The following CDK14 variants were observed in gnomAD, a reference collection of about 807,000 sequenced individuals.
The protein encoded by CDK14 is cyclin dependent kinase 14.
In CDK14, 34 loss-of-function variants were observed where a neutral mutation model predicts 60.7. The observed-to-expected ratio is 0.56, with a 90% CI of 0.43 to 0.75. The LOEUF (loss-of-function observed/expected upper bound fraction) is 0.75. Among genes scored for constraint, CDK14 ranks in the 30% least tolerant of loss-of-function variants. The pLI, the probability that CDK14 is intolerant of heterozygous loss-of-function variation, is 0.00. For missense variants in CDK14, 482 were observed against 564.1 expected, an observed-to-expected ratio of 0.85 and a Z score of 1.47; for synonymous variants, 197 against 203.7, an observed-to-expected ratio of 0.97 and a Z score of 0.28.
chr7:91,137,073 A>G (rs1800302020), intron 14 of CDK14, among the ~76,000 whole-genome samples: 1 of 152,230 alleles, frequency 6.6e-6, no homozygotes, highest in Non-Finnish European at 1.5e-5. Flanking sequence ...AAGCTAAGAC[A>G]TTGACAATGC....
chr7:90,980,595 T>G (rs968156322), intron 9 of CDK14, among the ~76,000 whole-genome samples: 1 of 152,196 alleles, frequency 6.6e-6, no homozygotes, highest in Non-Finnish European at 1.5e-5. Flanking sequence ...GGAATTCTGT[T>G]ATATTCATAT....
At position 90,596,349 on chromosome 7, in the gene CDK14, G is replaced by GGCGGC. The variant is rs1316767003; in HGVS notation, c.-269_-265dup. ...AAGGAGGGAAAATGAGCCGGGCGGC[G>GGCGGC]GCGGCGCGGCGCGGGGCCACCACGG... On this transcript the variant is annotated 5_prime_UTR_variant, in exon 1 of 15. An upstream open reading frame in the 5' UTR loses its in-frame stop. Transcript: ENST00000380050. 3 of 154,844 alleles carry GGCGGC rather than the reference G, an allele frequency of 1.9e-5. No individual in the cohort carries two copies. Among genetic ancestry groups the GGCGGC allele is most frequent in the African/African-American group, 4.9e-5 (2 of 41,220 alleles). The allele number at this position is 154,844 out of a possible 1,614,324, so 9.6% of individuals were successfully genotyped here.
intron 2 of CDK14, among the ~76,000 whole-genome samples, chr7:90,627,234 A>G (rs1198177715): frequency 6.6e-6 from 1 of 150,852 alleles, no homozygotes; most frequent in African/African-American, 2.4e-5. Context: ...TTTTTTTGAC[A>G]GGGTCTCCTT....
At position 90,799,690 on chromosome 7, in the gene CDK14, CAAAAAAAAAAAAAAAA is replaced by C. The variant is rs11353946; in HGVS notation, c.544+9050_544+9065del. ...GGGTGACAAGAGTGAAACTCCATCT[CAAAAAAAAAAAAAAAA>C]AAAAAAAAAAAGCTGAACCTGAGCA... On this transcript the variant is annotated intron_variant, in intron 5 of 14. Transcript: ENST00000380050. 9.3e-5 allele frequency among the ~76,000 whole-genome samples: 5 copies of C among 53,562 alleles called. No individual in the cohort carries two copies. In the South Asian group the frequency reaches 5.9e-3, roughly 64 times the overall value. The allele number at this position is 53,562 out of a possible 152,430, so 35.1% of individuals were successfully genotyped here. A position where few individuals can be genotyped will look rare whatever the true frequency, so the allele number is the denominator to read the frequency against.
At position 91,079,472 on chromosome 7, in the gene CDK14, A is replaced by T; in HGVS notation, c.1146A>T (p.Ala382=). The T allele has an allele frequency of 6.2e-7, 1 of 1,600,422 alleles. No homozygotes were observed. The highest frequency in any genetic ancestry group is 8.6e-7 in the Non-Finnish European group (1 of 1,168,680). The change falls in exon 12 of 15, where the codon GCA becomes GCT. Residue 382 remains alanine, a synonymous_variant. Transcript: ENST00000380050. ...ACAGCTCTAAAAACCTTAGACAAGC[A>T]TGGAATAAGTAAGTCTTTATACAGA... ...TLYSSKNLRQ[A]WNKLSYVNHA...
At chr7:90,668,712 T>TA (rs1801036295) in intron 2 of CDK14, among the ~76,000 whole-genome samples, 1 of 140,504 alleles carries the variant, frequency 7.1e-6, no homozygotes, top group East Asian at 2.0e-4. Context: ...TTTTTTTTTT[T>TA]TTTTTTTTTT....
At chr7:91,084,983 T>C (rs1798594157) in intron 12 of CDK14, among the ~76,000 whole-genome samples, 1 of 152,234 alleles carries the variant, frequency 6.6e-6, no homozygotes, top group Non-Finnish European at 1.5e-5. Context: ...GAATTAGGCT[T>C]TCTCGAAGTC....
chr7:90,908,654 C>T (rs908034024), intron 7 of CDK14, among the ~76,000 whole-genome samples: 2 of 152,094 alleles, frequency 1.3e-5, no homozygotes, highest in African/African-American at 4.8e-5. Flanking sequence ...GAAATAAGTT[C>T]AAGTAGTAGA....
At chr7:90,698,759 A>T (rs1221339372) in intron 2 of CDK14, among the ~76,000 whole-genome samples, 1 of 152,122 alleles carries the variant, frequency 6.6e-6, no homozygotes, top group Non-Finnish European at 1.5e-5. Context: ...AGCATTTGCT[A>T]CTCACTAAAT....
At chr7:90,763,683 G>A (rs968488876) in intron 4 of CDK14, among the ~76,000 whole-genome samples, 3 of 151,176 alleles carry the variant, frequency 2.0e-5, no homozygotes, top group African/African-American at 7.3e-5. Flanking sequence ...GGGGATGGGG[G>A]AGGGATAGCA....
intron 2 of CDK14, among the ~76,000 whole-genome samples, chr7:90,635,116 G>C (rs1354001942): frequency 6.6e-6 from 1 of 151,928 alleles, no homozygotes; most frequent in Non-Finnish European, 1.5e-5. Flanking sequence ...TTCTTTTGCT[G>C]TGCAGAAGCT....
rs75657977 is a variant in CDK14, at chr7:90,717,865, C to T, written c.124-8702C>T. On this transcript the variant is annotated intron_variant, in intron 2 of 14. Transcript: ENST00000380050. ...AAATAGAAGATATGGTTTGTGTGCTCAAGGTGTTTACACTCTGGTCATGGA... is the reference window on the plus strand; with the variant it reads ...AAATAGAAGATATGGTTTGTGTGCTTAAGGTGTTTACACTCTGGTCATGGA... Among the ~76,000 whole-genome samples the T allele has an allele frequency of 4.8e-3, 726 of 152,038 alleles. 3 individuals are homozygous for T. The highest frequency in any genetic ancestry group is 0.016 in the African/African-American group (654 of 41,486).
chr7:90,665,377 C>T (rs554850435), intron 2 of CDK14, among the ~76,000 whole-genome samples: 3 of 152,248 alleles, frequency 2.0e-5, no homozygotes, highest in South Asian at 4.1e-4. Context: ...AGGTACTGTG[C>T]TGGTTTCTGT....
At chr7:90,756,273 T>C (rs1557654) in intron 4 of CDK14, among the ~76,000 whole-genome samples, 99,114 of 152,120 alleles carry the variant, frequency 0.65, 32,782 homozygotes, top group East Asian at 0.96. Context: ...GAAGTTCCTA[T>C]CCATTGAAGA....
At chr7:90,965,312 T>C (rs1373820502) in intron 9 of CDK14, among the ~76,000 whole-genome samples, 1 of 152,190 alleles carries the variant, frequency 6.6e-6, no homozygotes. Flanking sequence ...CTGCCATCAC[T>C]CACTGGTTTC....
rs116211943 is a variant in CDK14, at chr7:90,718,691, G to A, written c.124-7876G>A. The stretch of plus-strand genomic sequence containing the variant: ...ATATGTGTACATATCTTTGCTCTGT[G>A]TAGCCACTCTTACTGCCATCTCTGT... On this transcript the variant is annotated intron_variant, in intron 2 of 14. Transcript: ENST00000380050. Among the ~76,000 whole-genome samples, 1,512 of 152,220 alleles carry A rather than the reference G, an allele frequency of 9.9e-3. 26 individuals carry two copies. Among genetic ancestry groups the A allele is most frequent in the African/African-American group, 0.033 (1,388 of 41,548 alleles).
chr7:90,739,688 T>C (rs1803267384), intron 3 of CDK14, among the ~76,000 whole-genome samples: 1 of 152,230 alleles, frequency 6.6e-6, no homozygotes, highest in Non-Finnish European at 1.5e-5. Flanking sequence ...AATTTTCCGC[T>C]GCTGTGTTTT....
At chr7:90,648,213 G>A (rs1800512947) in intron 2 of CDK14, among the ~76,000 whole-genome samples, 1 of 152,050 alleles carries the variant, frequency 6.6e-6, no homozygotes, top group Middle Eastern at 3.2e-3. Context: ...AGACTTGACT[G>A]GGCCATGTGG....
chr7:90,783,109 C>G (rs1255273216), intron 4 of CDK14, among the ~76,000 whole-genome samples: 2 of 152,020 alleles, frequency 1.3e-5, no homozygotes, highest in Non-Finnish European at 2.9e-5. Flanking sequence ...ATATGCCACT[C>G]TAATATTATG....
Sources: gnomAD v4.1 joint callset for allele counts (sites outside exome capture counted in the v4.1 genomes callset) on GRCh38, gnomAD v4.1.1 for gene constraint, MANE v1.5 for transcripts, NCBI Gene and HGNC (gene_info 2026-07-23, HGNC 2026-07-21) for gene names.